The following TOGARAM1 variants were observed in gnomAD, a reference collection of about 807,000 sequenced individuals.
TOGARAM1 encodes TOG array regulator of axonemal microtubules protein 1.
TOGARAM1 carries 100 observed loss-of-function variants against 166.6 expected under a neutral mutation model. The ratio of observed to expected loss-of-function variants is 0.60; its 90% CI spans 0.51 to 0.71. TOGARAM1 has a LOEUF of 0.71. TOGARAM1 is among the 30% of genes least tolerant of loss of function. TOGARAM1 has a pLI of 0.00. For synonymous variants in TOGARAM1, 758 were observed against 763.8 expected, an observed-to-expected ratio of 0.99 and a Z score of 0.13; for missense variants, 2,029 against 2,102.7, an observed-to-expected ratio of 0.96 and a Z score of 0.69.
chr14:45,057,552 G>A (rs758233751), intron 16 of TOGARAM1, among the ~76,000 whole-genome samples: 6 of 151,934 alleles, frequency 3.9e-5, no homozygotes, highest in East Asian at 1.9e-4. Context: ...TCAGCCTCAC[G>A]AAGTGCTTTC....
chr14:45,022,414 G>A (rs1202133206), intron 7 of TOGARAM1, among the ~76,000 whole-genome samples: 2 of 150,116 alleles, frequency 1.3e-5, no homozygotes, highest in African/African-American at 4.9e-5. Flanking sequence ...GGAGCTTGGC[G>A]ATAAGGCAGG....
Position 44,964,217 on chromosome 14 carries a change from G to T in TOGARAM1, c.1796G>T (p.Gly599Val). ...GTACTGATGCCATCTTCTGCCGGGG[G>T]TAGGTCAAACCATTTGGCACATGGA... ...YAVLMPSSAGGRSNHLAHGAD... is the reference protein window; with the variant it reads ...YAVLMPSSAGVRSNHLAHGAD... Residue 599 changes from glycine (G) to valine (V), a missense_variant, in exon 1 of 20, where the codon GGT becomes GTT. Physicochemically the swap from Gly to Val is moderately radical, Grantham distance 109. This residue lies in a region of TOGARAM1 where 1,453 missense variants were observed against 1,432.2 expected (regional missense o/e 1.01). Coordinates refer to ENST00000361462, the MANE Select transcript of TOGARAM1 (RefSeq NM_001308120.2). The T allele has an allele frequency of 6.2e-7, 1 of 1,614,198 alleles. No individual in the cohort carries two copies. The highest frequency in any genetic ancestry group is 8.5e-7 in the Non-Finnish European group (1 of 1,180,038).
intron 14 of TOGARAM1, among the ~76,000 whole-genome samples, chr14:45,048,702 C>T (rs1327500189): frequency 2.0e-5 from 3 of 151,420 alleles, no homozygotes; most frequent in Non-Finnish European, 4.4e-5. Context: ...GTCAGCTGGG[C>T]GTGGTGGCTC....
chr14:45,064,313 A>G (rs1260298676), intron 16 of TOGARAM1, among the ~76,000 whole-genome samples: 1 of 152,066 alleles, frequency 6.6e-6, no homozygotes. Context: ...TTTTTAATAA[A>G]AAGAGATGGG....
chr14:44,971,344 G>T (rs1885875007), intron 1 of TOGARAM1, among the ~76,000 whole-genome samples: 1 of 152,102 alleles, frequency 6.6e-6, no homozygotes, highest in South Asian at 2.1e-4. Flanking sequence ...TAAGCATAGA[G>T]TTGTTAATAG....
chr14:45,021,882 G>A (rs1214591565), intron 7 of TOGARAM1, among the ~76,000 whole-genome samples: 1 of 152,058 alleles, frequency 6.6e-6, no homozygotes, highest in Non-Finnish European at 1.5e-5. Context: ...TAAGTTGGCC[G>A]TCTCTCGGTC....
chr14:44,991,943 A>C (rs1887157192), intron 1 of TOGARAM1, among the ~76,000 whole-genome samples: 1 of 151,384 alleles, frequency 6.6e-6, no homozygotes, highest in Non-Finnish European at 1.5e-5. Flanking sequence ...TTATTTTTGT[A>C]ATTAAAGTTT....
chr14:45,000,653 G>C (rs2138825763), intron 3 of TOGARAM1, among the ~76,000 whole-genome samples: 1 of 152,256 alleles, frequency 6.6e-6, no homozygotes, highest in South Asian at 2.1e-4. Context: ...GAATAGTGCT[G>C]CAATAAACAT....
chr14:45,061,924 A>G (rs1882919102), intron 16 of TOGARAM1, among the ~76,000 whole-genome samples: 1 of 152,124 alleles, frequency 6.6e-6, no homozygotes. Flanking sequence ...ATTTTCAAAT[A>G]TTTGGAGATT....
At chr14:45,052,108 C>T (rs1294247036) in intron 14 of TOGARAM1, among the ~76,000 whole-genome samples, 1 of 152,168 alleles carries the variant, frequency 6.6e-6, no homozygotes, top group African/African-American at 2.4e-5. Flanking sequence ...TGCTGCTGCC[C>T]AGCATCTTAA....
chr14:45,032,496 C>T (rs1344497483), intron 11 of TOGARAM1, 120 bp downstream of exon 11: 1 of 1,042,260 alleles, frequency 9.6e-7, no homozygotes, highest in East Asian at 2.6e-5. Flanking sequence ...TTATTTAGTT[C>T]TTAGGCATCA....
chr14:44,972,351 T>C (rs558969511), intron 1 of TOGARAM1, among the ~76,000 whole-genome samples: 2 of 152,248 alleles, frequency 1.3e-5, no homozygotes, highest in Admixed American at 6.5e-5. Flanking sequence ...CAGTCTGTTG[T>C]TGGATAAAGT....
intron 1 of TOGARAM1, among the ~76,000 whole-genome samples, chr14:44,970,744 A>T (rs990526207): frequency 6.6e-6 from 1 of 152,160 alleles, no homozygotes; most frequent in African/African-American, 2.4e-5. Flanking sequence ...TTTTCATCAT[A>T]TATGGATATT....
In TOGARAM1 at chr14:45,051,410, A is replaced by G. The variant is rs1882359156; in HGVS notation, c.4314-1026A>G. On this transcript the variant is annotated intron_variant, in intron 14 of 19. Coordinates refer to ENST00000361462, the MANE Select transcript of TOGARAM1 (RefSeq NM_001308120.2). Reference sequence around the variant, plus strand: ...GCCCAGGATGGAGGAAAACTTCACAATTCTCCCAAATGCCAGCATTGATAT... The same window carrying G: ...GCCCAGGATGGAGGAAAACTTCACAGTTCTCCCAAATGCCAGCATTGATAT... Among the ~76,000 whole-genome samples the G allele has an allele frequency of 2.0e-5, 3 of 152,160 alleles. 1 individual carries two copies. In the South Asian group the frequency reaches 6.2e-4, roughly 32 times the overall value.
In TOGARAM1 at chr14:45,046,592, A is replaced by G. The variant is rs931746069; in HGVS notation, c.4202A>G (p.Asp1401Gly). Residue 1401 changes from aspartate to glycine, a missense_variant, in exon 14 of 20, where the codon GAT (aspartate) becomes GGT (glycine). Around this residue, in one of 2 missense-constraint regions of TOGARAM1, gnomAD observed 576 missense variants for 670.5 expected, o/e 0.86. Coordinates refer to ENST00000361462, the MANE Select transcript of TOGARAM1 (RefSeq NM_001308120.2). ...AGGTGTACAGCCCAGCATTTATCAG[A>G]TGTATTGGAATTTATGGAACCAGAA... ...VRRCTAQHLS[D>G]VLEFMEPERI... 5.0e-6 allele frequency: 7 copies of G among 1,406,482 alleles called. No homozygotes were observed. Among genetic ancestry groups the G allele is most frequent in the Non-Finnish European group, 6.5e-6 (7 of 1,073,716 alleles). The allele number at this position is 1,406,482 out of a possible 1,614,324, so 87.1% of individuals were successfully genotyped here. A position where few individuals can be genotyped will look rare whatever the true frequency, so the allele number is the denominator to read the frequency against.
chr14:45,046,263 G>A lies in TOGARAM1; in HGVS notation c.4155-282G>A, dbSNP rs144661333. 4.6e-5 allele frequency among the ~76,000 whole-genome samples: 7 copies of A among 152,176 alleles called. No homozygotes were observed. In the East Asian group the frequency reaches 7.7e-4, roughly 17 times the overall value. On this transcript the variant is annotated intron_variant, in intron 13 of 19. Coordinates refer to ENST00000361462, the MANE Select transcript of TOGARAM1 (RefSeq NM_001308120.2). ...AGCCTGGGCAACATAGTAAGACCTCGTCTGTACTAAAAATAAAATCAAATT... is the reference window on the plus strand; with the variant it reads ...AGCCTGGGCAACATAGTAAGACCTCATCTGTACTAAAAATAAAATCAAATT...
intron 18 of TOGARAM1, among the ~76,000 whole-genome samples, chr14:45,070,902 C>A (rs1283606222): frequency 6.6e-6 from 1 of 151,186 alleles, no homozygotes; most frequent in African/African-American, 2.5e-5. Flanking sequence ...AAAACTGCTT[C>A]CCTTTTTCTG....
At chr14:45,050,628 C>CT (rs956688017) in intron 14 of TOGARAM1, among the ~76,000 whole-genome samples, 22 of 150,840 alleles carry the variant, frequency 1.5e-4, no homozygotes, top group African/African-American at 4.6e-4. Flanking sequence ...TTTCTCGTTC[C>CT]TTTTTTTTTC....
At chr14:45,052,331 A>G (rs1882413143) in intron 14 of TOGARAM1, 105 bp from the exon 15 acceptor site, 3 of 837,766 alleles carry the variant, frequency 3.6e-6, no homozygotes, top group Non-Finnish European at 3.7e-6. Context: ...GGTAATCTTG[A>G]TGTTTGATAG....
Sources: gnomAD v4.1 joint callset for allele counts (sites outside exome capture counted in the v4.1 genomes callset) on GRCh38, gnomAD v4.1.1 for gene constraint, gnomAD v4.1.1 regional missense constraint, MANE v1.5 for transcripts, NCBI Gene and HGNC (gene_info 2026-07-23, HGNC 2026-07-21) for gene names.